The following GARIN1B variants were observed in gnomAD, a reference collection of about 807,000 sequenced individuals.
GARIN1B encodes golgi associated RAB2 interactor 1B.
At chr7:128,715,628 G>A in the GARIN1B span, 3 of 1,614,140 alleles carry the variant, frequency 1.9e-6, no homozygotes, top group Non-Finnish European at 2.5e-6. Context: ...CTGCCGGGTG[G>A]TTCATTCTCC....
At chr7:128,718,898 A>T in the GARIN1B span, 104 of 1,614,060 alleles carry the variant, frequency 6.4e-5, no homozygotes, top group Non-Finnish European at 1.1e-5. Flanking sequence ...GCAGTTGAGG[A>T]CAGTCACTGA....
the GARIN1B span, among the ~76,000 whole-genome samples, chr7:128,728,084 A>C: frequency 6.6e-6 from 1 of 152,240 alleles, no homozygotes; most frequent in Admixed American, 6.5e-5. Context: ...TGTAGGTCCC[A>C]GGGGAACTCT....
the GARIN1B span, among the ~76,000 whole-genome samples, chr7:128,715,025 A>G: frequency 1.3e-5 from 2 of 152,150 alleles, no homozygotes; most frequent in Admixed American, 1.3e-4. Flanking sequence ...GGGGTTTTCA[A>G]TGGACATGCA....
the GARIN1B span, chr7:128,715,750 T>C: frequency 1.4e-6 from 2 of 1,406,326 alleles, no homozygotes; most frequent in Admixed American, 1.7e-5. Context: ...TCCCAAGATA[T>C]GACTGAGAGA....
At chr7:128,713,575 A>G in the GARIN1B span, among the ~76,000 whole-genome samples, 1 of 152,188 alleles carries the variant, frequency 6.6e-6, no homozygotes, top group Non-Finnish European at 1.5e-5. Context: ...TAGGCTTCCC[A>G]AAGCACTAGA....
At chr7:128,724,825 T>C in the GARIN1B span, 2 of 1,289,754 alleles carry the variant, frequency 1.6e-6, no homozygotes, top group Non-Finnish European at 2.0e-6. Context: ...TTCTGAGCAC[T>C]GGTAATAAAC....
the GARIN1B span, chr7:128,731,299 C>A: frequency 1.5e-6 from 1 of 657,656 alleles, no homozygotes; most frequent in Non-Finnish European, 2.7e-6. Context: ...CACTGCACCT[C>A]GGCATATGCC....
the GARIN1B span, among the ~76,000 whole-genome samples, chr7:128,722,734 G>GCC: frequency 6.6e-6 from 1 of 151,832 alleles, no homozygotes; most frequent in Non-Finnish European, 1.5e-5. Context: ...AACCCAGGAG[G>GCC]CAGAGGTCTC....
At chr7:128,719,697 C>CTTTTTTTTTTTTTTTTTTTTTTTGGTT in the GARIN1B span, among the ~76,000 whole-genome samples, 1 of 99,022 alleles carries the variant, frequency 1.0e-5, no homozygotes, top group African/African-American at 4.1e-5. Context: ...TTTTGTTTTG[C>CTTTTTTTTTTTTTTTTTTTTTTTGGTT]TTTTTTTTTT....
chr7:128,715,233 C>T, the GARIN1B span: 2 of 985,268 alleles, frequency 2.0e-6, no homozygotes, highest in Non-Finnish European at 2.4e-6. Context: ...AATGTCCAGG[C>T]ACGGATAAGG....
chr7:128,712,533 T>C, the GARIN1B span, among the ~76,000 whole-genome samples: 1 of 152,062 alleles, frequency 6.6e-6, no homozygotes, highest in Non-Finnish European at 1.5e-5. Context: ...TATAAACTCT[T>C]GGCTTCACAA....
chr7:128,717,238 C>T, the GARIN1B span, among the ~76,000 whole-genome samples: 4 of 152,186 alleles, frequency 2.6e-5, no homozygotes, highest in Admixed American at 6.5e-5. Context: ...CTTTCTTTCT[C>T]GCTGCACAGA....
chr7:128,729,092 C>T, the GARIN1B span, among the ~76,000 whole-genome samples: 2 of 152,160 alleles, frequency 1.3e-5, no homozygotes, highest in East Asian at 1.9e-4. Context: ...GGACCTACCA[C>T]GGCCAAGATG....
chr7:128,722,691 C>T, the GARIN1B span, among the ~76,000 whole-genome samples: 2 of 151,902 alleles, frequency 1.3e-5, no homozygotes, highest in Non-Finnish European at 2.9e-5. Context: ...GTAGTCCTAG[C>T]TACTTGGGAG....
chr7:128,714,342 C>T, the GARIN1B span, among the ~76,000 whole-genome samples: 1 of 151,882 alleles, frequency 6.6e-6, no homozygotes, highest in African/African-American at 2.4e-5. Context: ...TTTGGGAGGT[C>T]GAGGTGGGCG....
At chr7:128,718,871 C>CACTATCAACGCATCCTGCAGTTGAGG in the GARIN1B span, 1 of 1,614,110 alleles carries the variant, frequency 6.2e-7, no homozygotes, top group Non-Finnish European at 8.5e-7. Flanking sequence ...GGTATGTGAC[C>CACTATCAACGCATCCTGCAGTTGAGG]ACTATCAACG....
the GARIN1B span, chr7:128,718,864 A>G: frequency 4.3e-5 from 69 of 1,614,222 alleles, no homozygotes; most frequent in Admixed American, 1.1e-3. Flanking sequence ...AGCTCCAGGT[A>G]TGTGACCACT....
chr7:128,730,100 G>A, the GARIN1B span: 1 of 1,600,260 alleles, frequency 6.2e-7, no homozygotes, highest in Non-Finnish European at 8.5e-7. Flanking sequence ...CCCTGCCATT[G>A]TGGGGCAGCC....
At chr7:128,731,286 C>T in the GARIN1B span, 25 of 703,082 alleles carry the variant, frequency 3.6e-5, no homozygotes, top group Admixed American at 6.2e-5. Context: ...ACCACGTCCT[C>T]GCCACTGCAC....
Sources: allele counts gnomAD v4.1 joint callset (sites outside exome capture counted in the v4.1 genomes callset), GRCh38; gene constraint gnomAD v4.1.1; transcripts MANE v1.5; gene names NCBI Gene and HGNC (gene_info 2026-07-23, HGNC 2026-07-21).